PEX1: variants seen among roughly 807,000 people sequenced by gnomAD.
PEX1 encodes the protein peroxisomal ATPase PEX1.
A neutral mutation model predicts 152.5 loss-of-function variants in PEX1; 97 were observed. The observed-to-expected ratio is 0.64, with a 90% confidence interval of 0.54 to 0.75. The LOEUF (loss-of-function observed/expected upper bound fraction) is 0.75. PEX1 is among the 30% of genes least tolerant of loss of function. PEX1 has a pLI of 0.00. For missense variants in PEX1, 1,357 were observed against 1,516.3 expected, an observed-to-expected ratio of 0.89 and a Z score of 1.74; for synonymous variants, 485 against 531.6, an observed-to-expected ratio of 0.91 and a Z score of 1.21.
At position 92,496,796 on chromosome 7, in the gene PEX1, G is replaced by T; in HGVS notation, c.2719-19C>A. The T allele has an allele frequency of 1.3e-6, 2 of 1,519,780 alleles. No homozygotes were observed. Among genetic ancestry groups the T allele is most frequent in the Non-Finnish European group, 9.1e-7 (1 of 1,095,188 alleles). 94.1% of individuals were successfully genotyped at this position (1,519,780 alleles called of 1,614,324 possible). On this transcript the variant is annotated intron_variant, in intron 16 of 23. Transcript: ENST00000248633. ...CTGGCCCCTATTGGGTAAAATAAGA[G>T]TTGAGATAAAATTATTTAAAAAGAA... is the stretch of plus-strand genomic sequence containing the variant.
Position 92,515,554 on chromosome 7 carries a change from C to A in PEX1, c.1240-1587G>T, listed in dbSNP as rs533236788. Among the ~76,000 whole-genome samples the A allele has an allele frequency of 7.2e-5, 11 of 152,222 alleles. No homozygotes were observed. In the South Asian group the frequency reaches 2.3e-3, roughly 32 times the overall value. On this transcript the variant is annotated intron_variant, in intron 5 of 23. Transcript: ENST00000248633. ...CAGGACTTTACCATCAGCACTTCTC[C>A]CTGTTCTCACCATATAATTTCAAGG...
At chr7:92,511,140 A>C in intron 7 of PEX1, 93 bp from the exon 8 acceptor site, 1 of 740,888 alleles carries the variant, frequency 1.3e-6, no homozygotes, top group Non-Finnish European at 2.3e-6. Context: ...TAAGTTAAAG[A>C]CTTTTTTTTT....
chr7:92,511,505 G>A (rs1304803341), intron 7 of PEX1, 75 bp downstream of exon 7: 5 of 1,117,188 alleles, frequency 4.5e-6, no homozygotes, highest in Non-Finnish European at 6.6e-6. Context: ...TCACAGGTAT[G>A]ACAGGTTGCA....
At chr7:92,511,141 CTTTT>C in intron 7 of PEX1, 94 bp from the exon 8 acceptor site, 2 of 604,712 alleles carry the variant, frequency 3.3e-6, no homozygotes, top group South Asian at 2.1e-5. Flanking sequence ...AAGTTAAAGA[CTTTT>C]TTTTTTTTCC....
At chr7:92,489,178 T>A in intron 23 of PEX1, 115 bp downstream of exon 23, 1 of 976,316 alleles carries the variant, frequency 1.0e-6, no homozygotes, top group Non-Finnish European at 1.6e-6. Flanking sequence ...TTTTTTGAAT[T>A]AGCTTTTAAA....
In PEX1 at chr7:92,493,078, C is replaced by G. The variant is rs1268822762; in HGVS notation, c.3082G>C (p.Asp1028His). The change falls in exon 20 of 24, where the codon GAT (aspartate) becomes CAT (histidine). Residue 1028 changes from aspartate to histidine, a missense_variant. Physicochemically the swap from Asp to His is moderately conservative, Grantham distance 81. Coordinates refer to ENST00000248633, the MANE Select transcript of PEX1 (RefSeq NM_000466.3). Reference sequence around the variant, plus strand: ...GCTACATGCTGAAGGTCAACATCATCTGCCAGAGGTAGAGAGTCACTGAGG... The same window carrying G: ...GCTACATGCTGAAGGTCAACATCATGTGCCAGAGGTAGAGAGTCACTGAGG... ...NVLSDSLPLA[D>H]DVDLQHVASV... 1.2e-6 allele frequency: 2 copies of G among 1,612,862 alleles called. No homozygotes were observed. Among genetic ancestry groups the G allele is most frequent in the Non-Finnish European group, 8.5e-7 (1 of 1,178,914 alleles).
At chr7:92,496,647 A>G (rs536338021) in intron 17 of PEX1, 66 bp downstream of exon 17, 25 of 1,090,554 alleles carry the variant, frequency 2.3e-5, no homozygotes, top group Middle Eastern at 2.1e-4. Context: ...AACAAGACCA[A>G]AAAAAGCACT....
chr7:92,499,904 C>A (rs952169433), intron 15 of PEX1, 66 bp from the exon 16 acceptor site: 3 of 1,335,250 alleles, frequency 2.2e-6, no homozygotes, highest in African/African-American at 2.9e-5. Flanking sequence ...TAAGTAGCAG[C>A]TAAAGATCAA....
intron 15 of PEX1, 130 bp downstream of exon 15, chr7:92,501,377 T>G: frequency 1.4e-6 from 1 of 722,114 alleles, no homozygotes; most frequent in Non-Finnish European, 2.5e-6. Flanking sequence ...TGTTAAGACA[T>G]TTATTTGGTA....
intron 16 of PEX1, among the ~76,000 whole-genome samples, chr7:92,498,698 C>T (rs939376327): frequency 6.6e-6 from 1 of 151,936 alleles, no homozygotes; most frequent in Non-Finnish European, 1.5e-5. Flanking sequence ...GAAGCATTAC[C>T]CAAAATGATC....
At chr7:92,518,973 G>A (rs780621083) in intron 3 of PEX1, 22 bp downstream of exon 3, 39 of 1,519,750 alleles carry the variant, frequency 2.6e-5, no homozygotes, top group Non-Finnish European at 3.3e-5. Context: ...AAATGAGATA[G>A]TTCTTATTTG....
rs1277410760 is a variant in PEX1 at position 92,508,314 on chromosome 7, G to C, written c.1670+1015C>G. Among the ~76,000 whole-genome samples the C allele has an allele frequency of 2.0e-5, 3 of 152,100 alleles. No individual in the cohort carries two copies. The East Asian group carries it at 5.8e-4, about 29-fold the overall frequency. ...GCCTGTAATCCCAGCACTTTGGGAGGCTGAGGCAGGCGGATCACTTGAGAC... is the reference window on the plus strand; with the variant it reads ...GCCTGTAATCCCAGCACTTTGGGAGCCTGAGGCAGGCGGATCACTTGAGAC... On this transcript the variant is annotated intron_variant, in intron 9 of 23. Coordinates refer to ENST00000248633, the MANE Select transcript of PEX1 (RefSeq NM_000466.3).
chr7:92,516,622 T>C (rs1792799428), intron 5 of PEX1, among the ~76,000 whole-genome samples: 1 of 152,172 alleles, frequency 6.6e-6, no homozygotes, highest in Admixed American at 6.5e-5. Flanking sequence ...TACTTTACAG[T>C]GGTTCAAATT....
At chr7:92,506,205 C>T in intron 11 of PEX1, 43 bp downstream of exon 11, 3 of 1,029,264 alleles carry the variant, frequency 2.9e-6, no homozygotes, top group Non-Finnish European at 4.6e-6. Context: ...TCCTGTCTTT[C>T]TAATGAAAAA....
chr7:92,499,188 A>T (rs1252960874), intron 16 of PEX1, among the ~76,000 whole-genome samples: 1 of 152,202 alleles, frequency 6.6e-6, no homozygotes, highest in African/African-American at 2.4e-5. Flanking sequence ...GAATTACCCT[A>T]AGACCCAAGA....
intron 2 of PEX1, 109 bp from the exon 3 acceptor site, chr7:92,519,187 T>C (rs1792944855): frequency 1.4e-6 from 1 of 694,580 alleles, no homozygotes; most frequent in Admixed American, 2.1e-5. Flanking sequence ...GATGTGTGTG[T>C]ATGTTTTGGA....
At chr7:92,489,621 T>C (rs1791162779) in intron 22 of PEX1, 93 bp downstream of exon 22, 4 of 1,191,234 alleles carry the variant, frequency 3.4e-6, no homozygotes, top group African/African-American at 1.5e-5. Flanking sequence ...TTTATAAATA[T>C]AGCTCGTTTA....
Position 92,494,313 on chromosome 7 carries a change from A to G in PEX1, c.3010T>C (p.Tyr1004His). 1 of 1,613,544 alleles carries G rather than the reference A, an allele frequency of 6.2e-7. No homozygotes were observed. Among genetic ancestry groups the G allele is most frequent in the Non-Finnish European group, 8.5e-7 (1 of 1,179,556 alleles). ...GTCACCTGATCAGGAGGAGGACAGT[A>G]TACACATTTATCTAGTCGACCAGGC... ...LRPGRLDKCV[Y>H]CPPPDQVSRL... Residue 1004 changes from tyrosine (Y) to histidine (H), a missense_variant, in exon 19 of 24, where the codon TAC (tyrosine) becomes CAC (histidine). By Grantham distance (83) the Tyr-to-His change is moderately conservative (BLOSUM62 2). Coordinates refer to ENST00000248633, the MANE Select transcript of PEX1 (RefSeq NM_000466.3).
rs74720435 is a variant in PEX1, at chr7:92,518,899, T to C, written c.357+96A>G. 9.0e-3 allele frequency: 8,489 copies of C among 945,936 alleles called. 60 individuals are homozygous for C. The highest frequency in any genetic ancestry group is 0.034 in the Middle Eastern group (145 of 4,272). The allele number at this position is 945,936 out of a possible 1,614,324, so 58.6% of individuals were successfully genotyped here. On this transcript the variant is annotated intron_variant, in intron 3 of 23. Coordinates refer to ENST00000248633, the MANE Select transcript of PEX1 (RefSeq NM_000466.3). ...TTCATTCTTATAATTCAAAACCAAC[T>C]CAGAATATATAATAAAGCTTAGAGA...
Sources: gnomAD v4.1 joint callset for allele counts (sites outside exome capture counted in the v4.1 genomes callset) on GRCh38, gnomAD v4.1.1 for gene constraint, MANE v1.5 for transcripts, NCBI Gene and HGNC (gene_info 2026-07-23, HGNC 2026-07-21) for gene names.